RSRP1: variants seen among roughly 807,000 people sequenced by gnomAD.
RSRP1 encodes arginine/serine-rich protein 1.
In RSRP1, 37 loss-of-function variants were observed where a neutral mutation model predicts 33.0. The ratio of observed to expected loss-of-function variants is 1.12; its 90% CI spans 0.86 to 1.48. The LOEUF (loss-of-function observed/expected upper bound fraction) is 1.48. Among genes scored for constraint, RSRP1 ranks in the 40% most tolerant of loss-of-function variants. RSRP1 has a pLI of 0.00. For synonymous variants in RSRP1, 167 were observed against 158.7 expected, an observed-to-expected ratio of 1.05 and a Z score of -0.40; for missense variants, 402 against 385.3, an observed-to-expected ratio of 1.04 and a Z score of -0.36.
At chr1:25,257,085 A>G (rs547517090) in intron 1 of RSRP1, among the ~76,000 whole-genome samples, 10 of 152,304 alleles carry the variant, frequency 6.6e-5, no homozygotes, top group African/African-American at 1.9e-4. Flanking sequence ...CCTAAAGTGG[A>G]ACAGCTAGGT....
At chr1:25,243,706 C>A (rs1372189956) in intron 3 of RSRP1, 73 bp from the exon 4 acceptor site, 1 of 1,564,270 alleles carries the variant, frequency 6.4e-7, no homozygotes, top group Non-Finnish European at 8.7e-7. Context: ...TAAAAAATAG[C>A]CTAATTGTAA....
In RSRP1 at chr1:25,274,608, C is replaced by T. The variant is rs1352052391; in HGVS notation, c.-66-27579G>A. ...GGCTCAGTAGGAATTACCTGTGGGA[C>T]AAAGGAGGGTCATCCAAGTGAGGGC... On this transcript the variant is annotated intron_variant, in intron 1 of 1. Transcript: ENST00000561867. Among the ~76,000 whole-genome samples, 2 of 133,324 alleles carry T rather than the reference C, an allele frequency of 1.5e-5. 1 individual carries two copies. Among genetic ancestry groups the T allele is most frequent in the Non-Finnish European group, 3.6e-5 (2 of 56,128 alleles). 87.5% of individuals were successfully genotyped at this position (133,324 alleles called of 152,430 possible).
rs1277786556 is a variant in RSRP1 at position 25,309,767 on chromosome 1, T to C, written c.-67+28211A>G. Among the ~76,000 whole-genome samples, 3 of 131,430 alleles carry C rather than the reference T, an allele frequency of 2.3e-5. 1 individual carries two copies. 86.2% of individuals were successfully genotyped at this position (131,430 alleles called of 152,430 possible). On this transcript the variant is annotated intron_variant, in intron 1 of 1. Transcript: ENST00000561867. ...TAACCTGAACTTGCCCTCTGTGAAA[T>C]AGGGACACTAATAGCTCACTCACAG...
At chr1:25,246,372 G>A (rs1228229823) in intron 2 of RSRP1, 72 bp downstream of exon 2, 6 of 1,555,294 alleles carry the variant, frequency 3.9e-6, no homozygotes, top group Non-Finnish European at 5.2e-6. Flanking sequence ...ACACAGCAAC[G>A]TTGGTTCCCT....
chr1:25,312,920 T>A (rs1274406070), intron 1 of RSRP1, among the ~76,000 whole-genome samples: 14 of 6,850 alleles, frequency 2.0e-3, no homozygotes, highest in East Asian at 0.013. Flanking sequence ...ATCCCATCTC[T>A]AAAAAAAAAA....
chr1:25,302,705 C>CAAT (rs1643486102), intron 1 of RSRP1, among the ~76,000 whole-genome samples: 2 of 130,272 alleles, frequency 1.5e-5, no homozygotes, highest in East Asian at 2.0e-4. Context: ...ACCAAGTAGC[C>CAAT]AATAATAATA....
At position 25,288,796 on chromosome 1, in the gene RSRP1, A is replaced by G. The variant is rs997220858; in HGVS notation, c.-66-41767T>C. Among the ~76,000 whole-genome samples, 16 of 126,660 alleles carry G rather than the reference A, an allele frequency of 1.3e-4. 1 individual carries two copies. The highest frequency in any genetic ancestry group is 5.6e-5 in the Non-Finnish European group (3 of 53,722). 83.1% of individuals were successfully genotyped at this position (126,660 alleles called of 152,430 possible). On this transcript the variant is annotated intron_variant, in intron 1 of 1. Transcript: ENST00000561867. ...CTCAGCACAAACTGGCCCTTGAGGA[A>G]TGAAATACCGCCGCCGGCACACACG...
In RSRP1 at chr1:25,279,230, G is replaced by A. The variant is rs1181612817; in HGVS notation, c.-66-32201C>T. On this transcript the variant is annotated intron_variant, in intron 1 of 1. Coordinates refer to the RSRP1 transcript ENST00000561867. ...ACACCGCTAATCAGCGGCCGGCACG[G>A]GGTAACAGTTACTAACACTCACTAC... Among the ~76,000 whole-genome samples the A allele has an allele frequency of 1.6e-5, 2 of 126,892 alleles. 1 individual carries two copies. The highest frequency in any genetic ancestry group is 3.7e-5 in the Non-Finnish European group (2 of 54,182). 83.2% of individuals were successfully genotyped at this position (126,892 alleles called of 152,430 possible).
At chr1:25,261,218 G>T (rs982611811) in intron 1 of RSRP1, among the ~76,000 whole-genome samples, 14 of 152,096 alleles carry the variant, frequency 9.2e-5, no homozygotes. Context: ...TCACTTTAGG[G>T]GTTAGGGCTT....
chr1:25,284,382 C>G (rs1641770297), intron 1 of RSRP1, among the ~76,000 whole-genome samples: 2 of 135,736 alleles, frequency 1.5e-5, no homozygotes, highest in Admixed American at 7.1e-5. Context: ...TATCCCCACA[C>G]GGCATGTTAT....
In RSRP1 at chr1:25,252,810, C is replaced by T. The variant is rs183761495; in HGVS notation, c.-66-5781G>A. 4.2e-3 allele frequency among the ~76,000 whole-genome samples: 638 copies of T among 152,054 alleles called. 3 individuals are homozygous for T. The highest frequency in any genetic ancestry group is 0.015 in the African/African-American group (607 of 41,460). On this transcript the variant is annotated intron_variant, in intron 1 of 1. Coordinates refer to the RSRP1 transcript ENST00000561867. Reference sequence around the variant, plus strand: ...TTGGCCTCCCAAAGTGCTGGGATTACAGGCATGAGCCATCGCACCTGGCCT... The same window carrying T: ...TTGGCCTCCCAAAGTGCTGGGATTATAGGCATGAGCCATCGCACCTGGCCT...
intron 1 of RSRP1, chr1:25,294,435 C>T (rs1642768673): frequency 1.4e-6 from 1 of 695,992 alleles, no homozygotes; most frequent in South Asian, 1.5e-5. Context: ...ACTGACAACC[C>T]TCTCGCTAGT....
rs1405914418 is a variant in RSRP1 at position 25,312,961 on chromosome 1, G to T, written c.-67+25017C>A. 1.6e-4 allele frequency among the ~76,000 whole-genome samples: 5 copies of T among 31,774 alleles called. 1 individual carries two copies. The highest frequency in any genetic ancestry group is 4.0e-4 in the Non-Finnish European group (4 of 10,002). The allele number at this position is 31,774 out of a possible 152,430, so 20.8% of individuals were successfully genotyped here. On this transcript the variant is annotated intron_variant, in intron 1 of 1. Coordinates refer to the RSRP1 transcript ENST00000561867. The stretch of plus-strand genomic sequence containing the variant: ...AAAAAAAAAAAAAAAAAAAACTTTA[G>T]TGCTATTGGAATGAATTTTGCATGT...
At chr1:25,329,491 C>T in intron 1 of RSRP1, 1 of 205,996 alleles carries the variant, frequency 4.9e-6, no homozygotes, top group Non-Finnish European at 1.1e-5. Flanking sequence ...GATCTGCCCG[C>T]CTCGGCCTCC....
Position 25,304,485 on chromosome 1 carries a change from C to G in RSRP1, c.-67+33493G>C, listed in dbSNP as rs1045242235. The G allele has an allele frequency of 6.9e-5, 9 of 129,576 alleles. 1 individual carries two copies. Among genetic ancestry groups the G allele is most frequent in the African/African-American group, 2.4e-4 (9 of 37,502 alleles). 8.0% of individuals were successfully genotyped at this position (129,576 alleles called of 1,614,324 possible). A position where few individuals can be genotyped will look rare whatever the true frequency, so the allele number is the denominator to read the frequency against. ...TGGTGGCGGGCACCTGTCATCTTAG[C>G]GACTCAGGAGGCTGAGACACGAGAA... On this transcript the variant is annotated intron_variant, in intron 1 of 1. Transcript: ENST00000561867.
At chr1:25,322,119 T>C (rs1490427915) in intron 1 of RSRP1, among the ~76,000 whole-genome samples, 1 of 131,470 alleles carries the variant, frequency 7.6e-6, no homozygotes. Context: ...AAATCCATGA[T>C]ATGCATGTGT....
At chr1:25,313,014 G>A (rs185085789) in intron 1 of RSRP1, among the ~76,000 whole-genome samples, 1 of 122,092 alleles carries the variant, frequency 8.2e-6, no homozygotes, top group Non-Finnish European at 1.9e-5. Context: ...TGGGGGCTGG[G>A]GCAGGATGCT....
rs1306228854 is a variant in RSRP1 at position 25,288,597 on chromosome 1, G to A, written c.-66-41568C>T. 4.0e-5 allele frequency among the ~76,000 whole-genome samples: 5 copies of A among 126,450 alleles called. 1 individual carries two copies. The highest frequency in any genetic ancestry group is 1.4e-4 in the African/African-American group (5 of 36,440). 83.0% of individuals were successfully genotyped at this position (126,450 alleles called of 152,430 possible). Reference sequence around the variant, plus strand: ...TATATCAACTCACTTTGCCCTTACCGTGGCTCCAGAGGCATTGGGTCCACC... The same window carrying A: ...TATATCAACTCACTTTGCCCTTACCATGGCTCCAGAGGCATTGGGTCCACC... On this transcript the variant is annotated intron_variant, in intron 1 of 1. Transcript: ENST00000561867.
At chr1:25,331,896 C>G (rs553801824) in intron 1 of RSRP1, among the ~76,000 whole-genome samples, 1 of 128,492 alleles carries the variant, frequency 7.8e-6, no homozygotes, top group African/African-American at 2.6e-5. Flanking sequence ...CCCGCCACTA[C>G]GCCCGGCTAA....
Sources: allele counts gnomAD v4.1 joint callset (sites outside exome capture counted in the v4.1 genomes callset), GRCh38; gene constraint gnomAD v4.1.1; transcripts MANE v1.5; gene names NCBI Gene and HGNC (gene_info 2026-07-23, HGNC 2026-07-21).